The following STK32B variants were observed in gnomAD, a reference collection of about 807,000 sequenced individuals.
The protein encoded by STK32B is serine/threonine kinase 32B, also known as serine/threonine-protein kinase 32B.
A neutral mutation model predicts 52.6 loss-of-function variants in STK32B; 43 were observed. The ratio of observed to expected loss-of-function variants is 0.82; its 90% CI spans 0.64 to 1.05. The LOEUF is 1.05. Among genes scored for constraint, STK32B ranks in the 50% least tolerant of loss-of-function variants. The pLI, the probability that STK32B is intolerant of heterozygous loss-of-function variation, is 0.00. For missense variants in STK32B, 621 were observed against 534.6 expected (o/e 1.16, Z -1.59); for synonymous variants, 238 against 204.3 (o/e 1.17, Z -1.41).
At chr4:5,335,371 T>C (rs1732587066) in intron 4 of STK32B, among the ~76,000 whole-genome samples, 1 of 152,156 alleles carries the variant, frequency 6.6e-6, no homozygotes, top group South Asian at 2.1e-4. Flanking sequence ...TCTCTCTTTT[T>C]TTCTTTATTA....
intron 4 of STK32B, among the ~76,000 whole-genome samples, chr4:5,358,723 A>G (rs921064307): frequency 1.3e-5 from 2 of 149,278 alleles, no homozygotes; most frequent in African/African-American, 5.0e-5. Flanking sequence ...ACACACACAC[A>G]GGCACACAAA....
intron 3 of STK32B, among the ~76,000 whole-genome samples, chr4:5,211,443 C>A (rs1189812736): frequency 1.3e-5 from 2 of 152,122 alleles, no homozygotes; most frequent in Admixed American, 1.3e-4. Flanking sequence ...CAGAGGTAGT[C>A]TTGTCAACAA....
chr4:5,456,801 T>G lies in STK32B; in HGVS notation c.667-6T>G. The G allele has an allele frequency of 6.4e-7, 1 of 1,563,304 alleles. No homozygotes were observed. Among genetic ancestry groups the G allele is most frequent in the Non-Finnish European group, 8.7e-7 (1 of 1,149,334 alleles). ...TCTGATTCTGGCTGTTGTTCTTTGA[T>G]TGCAGAGGCCGTACGAAATCCACTC... On this transcript the variant is annotated splice_region_variant and splice_polypyrimidine_tract_variant and intron_variant, in intron 7 of 11. Transcript: ENST00000282908.
chr4:5,123,322 G>A (rs1394015580), intron 1 of STK32B, among the ~76,000 whole-genome samples: 1 of 152,044 alleles, frequency 6.6e-6, no homozygotes, highest in Admixed American at 6.6e-5. Context: ...CTCTGCACCC[G>A]GCTTCATCTT....
At chr4:5,446,580 AC>A (rs1198675842) in intron 6 of STK32B, 92 bp from the exon 7 acceptor site, 50 of 1,131,500 alleles carry the variant, frequency 4.4e-5, no homozygotes, top group South Asian at 1.4e-4. Context: ...AAAAAAAAAA[AC>A]AAGCTCAATT....
chr4:5,074,962 A>C (rs540123573), intron 1 of STK32B, among the ~76,000 whole-genome samples: 11 of 152,260 alleles, frequency 7.2e-5, no homozygotes, highest in Non-Finnish European at 1.5e-4. Flanking sequence ...CTATGTCTCC[A>C]ACACTGGGCA....
chr4:5,076,125 T>G (rs1712056180), intron 1 of STK32B, among the ~76,000 whole-genome samples: 1 of 152,150 alleles, frequency 6.6e-6, no homozygotes. Flanking sequence ...TATTACCATT[T>G]CATTGGCTGA....
At chr4:5,027,331 A>C in the STK32B span, among the ~76,000 whole-genome samples, 2 of 152,186 alleles carry the variant, frequency 1.3e-5, no homozygotes, top group East Asian at 3.9e-4. Context: ...ATAAGCCCCC[A>C]AAACATGGAT....
At chr4:5,312,046 T>G (rs1015693010) in intron 3 of STK32B, among the ~76,000 whole-genome samples, 2 of 151,682 alleles carry the variant, frequency 1.3e-5, no homozygotes, top group African/African-American at 4.8e-5. Flanking sequence ...CCATTATATA[T>G]TTTAACAGAA....
chr4:5,102,641 C>T (rs1404318594), intron 1 of STK32B, among the ~76,000 whole-genome samples: 2 of 151,800 alleles, frequency 1.3e-5, no homozygotes, highest in Non-Finnish European at 2.9e-5. Flanking sequence ...AAGCCATTCT[C>T]CTGCCTCAGC....
At chr4:5,308,911 A>G (rs1412099798) in intron 3 of STK32B, among the ~76,000 whole-genome samples, 4 of 152,080 alleles carry the variant, frequency 2.6e-5, no homozygotes, top group Admixed American at 2.6e-4. Context: ...CAATTATGCA[A>G]GAGAAAAAAA....
intron 11 of STK32B, among the ~76,000 whole-genome samples, chr4:5,477,973 G>A (rs577369299): frequency 1.3e-5 from 2 of 152,258 alleles, no homozygotes; most frequent in South Asian, 2.1e-4. Flanking sequence ...AGCTGAGGCG[G>A]AAAAGCTCAG....
chr4:5,161,996 C>T (rs1445972304), intron 2 of STK32B, among the ~76,000 whole-genome samples: 1 of 152,166 alleles, frequency 6.6e-6, no homozygotes, highest in African/African-American at 2.4e-5. Context: ...CAGAGAAGAA[C>T]TAGCCCAGTG....
chr4:5,095,902 G>A (rs988597065), intron 1 of STK32B, among the ~76,000 whole-genome samples: 11 of 152,116 alleles, frequency 7.2e-5, no homozygotes, highest in African/African-American at 2.2e-4. Context: ...TCAAAGTAGT[G>A]TTCATTGACA....
chr4:5,246,538 G>A (rs61330201), intron 3 of STK32B, among the ~76,000 whole-genome samples: 10,982 of 152,152 alleles, frequency 0.072, 570 homozygotes, highest in African/African-American at 0.15. Context: ...TTAGCTCGGA[G>A]TAGTTTGATC....
chr4:5,225,771 G>C (rs774148651), intron 3 of STK32B, among the ~76,000 whole-genome samples: 3 of 152,162 alleles, frequency 2.0e-5, no homozygotes, highest in Non-Finnish European at 4.4e-5. Flanking sequence ...CTAACCAACG[G>C]AGTTTTAGAA....
At chr4:5,243,060 G>A (rs1202699283) in intron 3 of STK32B, among the ~76,000 whole-genome samples, 3 of 152,062 alleles carry the variant, frequency 2.0e-5, no homozygotes, top group Non-Finnish European at 2.9e-5. Flanking sequence ...TGGTGATGCG[G>A]GCTCTTTTTT....
At chr4:5,042,574 C>T in the STK32B span, among the ~76,000 whole-genome samples, 2 of 152,158 alleles carry the variant, frequency 1.3e-5, no homozygotes, top group African/African-American at 4.8e-5. Flanking sequence ...TTCCTTCAGC[C>T]ATGAAGAGCC....
At position 5,080,082 on chromosome 4, in the gene STK32B, A is replaced by G. The variant is rs1712324691; in HGVS notation, c.52+28167A>G. 2.0e-5 allele frequency among the ~76,000 whole-genome samples: 3 copies of G among 152,134 alleles called. No individual in the cohort carries two copies. In the South Asian group the frequency reaches 6.2e-4, roughly 32 times the overall value. ...GAGTTACTAATAGTGTATTGTAGCC[A>G]GGTCTCAGCACAGAAGCCAGGGTCT... On this transcript the variant is annotated intron_variant, in intron 1 of 11. Transcript: ENST00000282908.
Sources: gnomAD v4.1 joint callset for allele counts (sites outside exome capture counted in the v4.1 genomes callset) on GRCh38, gnomAD v4.1.1 for gene constraint, MANE v1.5 for transcripts, NCBI Gene and HGNC (gene_info 2026-07-23, HGNC 2026-07-21) for gene names.